Variants in HTT observed in about 807,000 individuals in gnomAD.
The protein encoded by HTT is huntington disease protein.
Under a neutral mutation model 362.3 loss-of-function variants are expected in HTT, and 104 were observed. The observed-to-expected ratio is 0.29, with a 90% CI of 0.24 to 0.34. The LOEUF (loss-of-function observed/expected upper bound fraction) is 0.34, where lower values mean the gene tolerates loss of function less well. Ranked by LOEUF, HTT falls within the 10% of genes least tolerant of loss-of-function variation. The pLI is 1.00. For missense variants in HTT, 3,301 were observed against 3,928.6 expected, an observed-to-expected ratio of 0.84 and a Z score of 4.27; for synonymous variants, 1,577 against 1,548.7, an observed-to-expected ratio of 1.02 and a Z score of -0.43.
chr4:3,115,630 G>A (rs1301490574), intron 7 of HTT, among the ~76,000 whole-genome samples, 185 bp downstream of exon 7: 1 of 152,198 alleles, frequency 6.6e-6, no homozygotes. Context: ...AGATGCAGCC[G>A]TGCCCAGGGA....
chr4:3,238,765 G>GTCCCCGCCACGGGACCACCCAA, intron 65 of HTT, 53 bp from the exon 66 acceptor site: 2 of 1,262,930 alleles, frequency 1.6e-6, no homozygotes, highest in Non-Finnish European at 1.1e-6. Context: ...GGCGCAGCAG[G>GTCCCCGCCACGGGACCACCCAA]TGCTTCCCGT....
chr4:3,202,700 T>G (rs1719640469), intron 41 of HTT, among the ~76,000 whole-genome samples: 1 of 152,148 alleles, frequency 6.6e-6, no homozygotes, highest in Non-Finnish European at 1.5e-5. Flanking sequence ...GTTCAGCCCA[T>G]TGCAGAAGGC....
At chr4:3,160,459 T>C (rs1377788633) in intron 29 of HTT, 67 bp downstream of exon 29, 1 of 1,101,608 alleles carries the variant, frequency 9.1e-7, no homozygotes, top group Admixed American at 2.0e-5. Context: ...CTGGGCTGAG[T>C]TCATCTAGGA....
At chr4:3,108,117 G>A (rs886612602) in intron 6 of HTT, among the ~76,000 whole-genome samples, 1 of 152,180 alleles carries the variant, frequency 6.6e-6, no homozygotes, top group East Asian at 1.9e-4. Flanking sequence ...TGAAAAATAA[G>A]CCTTAATGGG....
intron 45 of HTT, 69 bp downstream of exon 45, chr4:3,207,426 G>A (rs1396878537): frequency 9.3e-6 from 12 of 1,288,138 alleles, no homozygotes; most frequent in Middle Eastern, 1.8e-4. Flanking sequence ...AGATTTGTAC[G>A]GGAATAAATT....
At position 3,207,373 on chromosome 4, in the gene HTT, C is replaced by T. The variant is rs552578179; in HGVS notation, c.6152+16C>T. The T allele has an allele frequency of 1.0e-5, 16 of 1,599,976 alleles. No individual in the cohort carries two copies. The East Asian group carries it at 1.1e-4, about 11-fold the overall frequency. ...TCGCTCAGAGGTAATGCTGGAAACA[C>T]AGGTCGTCCTTGTGTTAGGACAACC... On this transcript the variant is annotated intron_variant, in intron 45 of 66. Transcript: ENST00000355072.
At chr4:3,112,915 C>A in intron 6 of HTT, 1 of 343,244 alleles carries the variant, frequency 2.9e-6, no homozygotes, top group Non-Finnish European at 4.1e-6. Context: ...CTTGGAATTG[C>A]TGATGCTTTT....
chr4:3,172,928 C>A lies in HTT; in HGVS notation c.3963C>A (p.Gly1321=). ...CVQQLLKTLF[G]TNLASQFDGL... Reference sequence around the variant, plus strand: ...TGTAGTTGTTGAAGACTCTCTTTGGCACAAACTTGGCCTCCCAGTTTGATG... The same window carrying A: ...TGTAGTTGTTGAAGACTCTCTTTGGAACAAACTTGGCCTCCCAGTTTGATG... Residue 1321 remains glycine, a synonymous_variant, in exon 31 of 67, where the codon GGC becomes GGA. Transcript: ENST00000355072. 1 of 1,614,072 alleles carries A rather than the reference C, an allele frequency of 6.2e-7. No homozygotes were observed.
In HTT at chr4:3,206,759, C is replaced by G; in HGVS notation, c.5899-48C>G. 1 of 1,588,484 alleles carries G rather than the reference C, an allele frequency of 6.3e-7. No individual in the cohort carries two copies. Among genetic ancestry groups the G allele is most frequent in the Non-Finnish European group, 8.6e-7 (1 of 1,165,558 alleles). On this transcript the variant is annotated intron_variant, in intron 43 of 66. Transcript: ENST00000355072. The surrounding 1 kb of genome is among the most constrained non-coding windows in gnomAD (Gnocchi z 4.6). ...GTATTGAAATTTTTAACTTTAATTT[C>G]TGATTTGCAAAATAGTCATCTTTTG...
intron 64 of HTT, among the ~76,000 whole-genome samples, chr4:3,237,947 T>A (rs555869074): frequency 6.6e-6 from 1 of 152,226 alleles, no homozygotes; most frequent in Non-Finnish European, 1.5e-5. Flanking sequence ...CACATAGGGA[T>A]GTTTGTGGAG....
At chr4:3,167,314 A>G (rs1560576779) in intron 29 of HTT, among the ~76,000 whole-genome samples, 2 of 151,884 alleles carry the variant, frequency 1.3e-5, no homozygotes, top group African/African-American at 2.4e-5. Context: ...CTTGTGATCC[A>G]CCCACCTCAG....
At chr4:3,225,817 A>AG in intron 57 of HTT, 74 bp downstream of exon 57, 1 of 991,522 alleles carries the variant, frequency 1.0e-6, no homozygotes, top group East Asian at 2.6e-5. Flanking sequence ...CACACCCAGG[A>AG]GAAAAGCTCA....
At chr4:3,140,956 C>T (rs1040838732) in intron 22 of HTT, among the ~76,000 whole-genome samples, 9 of 152,206 alleles carry the variant, frequency 5.9e-5, no homozygotes, top group Non-Finnish European at 8.8e-5. Context: ...TCTGTTAAAA[C>T]ATTTTCACTT....
At chr4:3,116,380 C>T (rs1219463785) in intron 8 of HTT, 117 bp downstream of exon 8, 13 of 853,788 alleles carry the variant, frequency 1.5e-5, no homozygotes, top group East Asian at 2.7e-5. Flanking sequence ...TCTGGAGCTG[C>T]GCTGCTCGTT....
chr4:3,173,116 A>C lies in HTT; in HGVS notation c.4151A>C (p.Glu1384Ala). ...SLRNMVQAEQENDTSGWFDVL... is the reference protein window; with the variant it reads ...SLRNMVQAEQANDTSGWFDVL... ...AGGAACATGGTGCAGGCGGAGCAGGAGAACGACACCTCGGGGTAACAGTTG... is the reference window on the plus strand; with the variant it reads ...AGGAACATGGTGCAGGCGGAGCAGGCGAACGACACCTCGGGGTAACAGTTG... The change falls in exon 31 of 67, where the codon GAG (glutamate) becomes GCG (alanine). Residue 1384 changes from glutamate (E) to alanine (A), a missense_variant. Glu to Ala is a moderately radical substitution (Grantham distance 107). This residue lies in a region of HTT where 2,316 missense variants were observed against 2,658.5 expected (regional missense o/e 0.87). Coordinates refer to ENST00000355072, the MANE Select transcript of HTT (RefSeq NM_001388492.1). The C allele has an allele frequency of 3.1e-6, 5 of 1,613,970 alleles. No individual in the cohort carries two copies. Among genetic ancestry groups the C allele is most frequent in the Non-Finnish European group, 4.2e-6 (5 of 1,179,944 alleles).
chr4:3,169,861 A>G (rs80166389), intron 29 of HTT, among the ~76,000 whole-genome samples: 5,652 of 152,324 alleles, frequency 0.037, 307 homozygotes, highest in African/African-American at 0.12. Context: ...GGCATGAGCC[A>G]CCGTGTCTGG....
Position 3,239,860 on chromosome 4 carries a change from T to C in HTT, c.9230T>C (p.Ile3077Thr), listed in dbSNP as rs1344017622. Residue 3077 changes from isoleucine to threonine, a missense_variant, in exon 67 of 67, where the codon ATC (isoleucine) becomes ACC (threonine). Around this residue, in one of 4 missense-constraint regions of HTT, gnomAD observed 753 missense variants for 1,021.3 expected, o/e 0.74. Transcript: ENST00000355072. ...PWVAAILPHV[I>T]SRMGKLEQVD... ...TCCTGCACCAGCCTCCCACATGTCA[T>C]CAGCAGGATGGGCAAGCTGGAGCAG... 6.4e-7 allele frequency: 1 copy of C among 1,558,656 alleles called. No homozygotes were observed. The highest frequency in any genetic ancestry group is 1.2e-5 in the South Asian group (1 of 84,554).
At chr4:3,166,191 G>A (rs1717697039) in intron 29 of HTT, among the ~76,000 whole-genome samples, 2 of 152,318 alleles carry the variant, frequency 1.3e-5, no homozygotes, top group South Asian at 4.1e-4. Context: ...GTCTGTTGGA[G>A]TTTGCTGGAG....
At chr4:3,232,917 C>A (rs1025125154) in intron 60 of HTT, among the ~76,000 whole-genome samples, 2 of 152,390 alleles carry the variant, frequency 1.3e-5, no homozygotes, top group East Asian at 3.9e-4. Flanking sequence ...GTTCTCAGCA[C>A]CAACCCTGGT....
Sources: allele counts gnomAD v4.1 joint callset (sites outside exome capture counted in the v4.1 genomes callset), GRCh38; gene constraint gnomAD v4.1.1; regional missense constraint gnomAD v4.1.1; non-coding constraint Gnocchi (gnomAD v3.1); transcripts MANE v1.5; gene names NCBI Gene and HGNC (gene_info 2026-07-23, HGNC 2026-07-21).